CNTNAP5: variants seen among roughly 807,000 people sequenced by gnomAD.
CNTNAP5 encodes the protein contactin associated protein family member 5.
In CNTNAP5, 72 loss-of-function variants were observed where a neutral mutation model predicts 150.2. The observed-to-expected ratio is 0.48, with a 90% CI of 0.40 to 0.58. The LOEUF (loss-of-function observed/expected upper bound fraction) is 0.58. Ranked by LOEUF, CNTNAP5 falls within the 20% of genes least tolerant of loss-of-function variation. The probability of loss-of-function intolerance (pLI) is 0.00; values close to 1 mark genes in which losing one functional copy is unlikely to be tolerated. For synonymous variants in CNTNAP5, 672 were observed against 619.8 expected (o/e 1.08, Z -1.25); for missense variants, 1,636 against 1,626.2 (o/e 1.01, Z -0.10).
At chr2:124,163,321 A>G (rs1684729536) in intron 1 of CNTNAP5, among the ~76,000 whole-genome samples, 1 of 152,168 alleles carries the variant, frequency 6.6e-6, no homozygotes, top group Non-Finnish European at 1.5e-5. Context: ...CCAGCCCTGG[A>G]GAATAGGGCT....
Position 124,446,866 on chromosome 2 carries a change from T to C in CNTNAP5, c.847T>C (p.Phe283Leu). 6.2e-7 allele frequency: 1 copy of C among 1,613,862 alleles called. No individual in the cohort carries two copies. The highest frequency in any genetic ancestry group is 1.3e-5 in the African/African-American group (1 of 75,020). The change falls in exon 6 of 24, where the codon TTC (phenylalanine) becomes CTC (leucine). Residue 283 changes from phenylalanine (F) to leucine (L), a missense_variant. By Grantham distance (22) the Phe-to-Leu change is conservative (BLOSUM62 0). Coordinates refer to ENST00000682447, the MANE Select transcript of CNTNAP5 (RefSeq NM_001367498.1). ...LIERVGKQVN[F>L]TVDKHTQHFR... ...TGAGCGGGTGGGCAAGCAGGTGAAC[T>C]TCACGGTGGACAAGCACACACAGCA...
chr2:124,125,041 G>A (rs1177505428), intron 1 of CNTNAP5, among the ~76,000 whole-genome samples: 1 of 152,012 alleles, frequency 6.6e-6, no homozygotes, highest in African/African-American at 2.4e-5. Context: ...CAAAATAACG[G>A]GATCAAATTC....
At chr2:124,809,574 G>A (rs1430033491) in intron 19 of CNTNAP5, among the ~76,000 whole-genome samples, 2 of 97,912 alleles carry the variant, frequency 2.0e-5, no homozygotes, top group South Asian at 4.7e-4. Context: ...GCCCGGCTGG[G>A]AACATGATCT....
intron 1 of CNTNAP5, among the ~76,000 whole-genome samples, chr2:124,133,304 AC>A (rs1205598050): frequency 6.6e-6 from 1 of 152,034 alleles, no homozygotes; most frequent in Non-Finnish European, 1.5e-5. Flanking sequence ...CTTAAAAAAA[AC>A]AAAACAAAAA....
intron 3 of CNTNAP5, among the ~76,000 whole-genome samples, chr2:124,290,890 A>G (rs199825722): frequency 6.2e-5 from 4 of 64,782 alleles, no homozygotes; most frequent in East Asian, 5.9e-4. Context: ...TTATTTATTT[A>G]TTTATTTATT....
chr2:124,422,093 A>T (rs1692117350), intron 4 of CNTNAP5, among the ~76,000 whole-genome samples: 1 of 152,336 alleles, frequency 6.6e-6, no homozygotes, highest in African/African-American at 2.4e-5. Context: ...GTATTTGTTG[A>T]ATGGGTACAT....
At chr2:124,732,012 C>A (rs570910865) in intron 13 of CNTNAP5, among the ~76,000 whole-genome samples, 1 of 152,000 alleles carries the variant, frequency 6.6e-6, no homozygotes, top group Non-Finnish European at 1.5e-5. Flanking sequence ...TTCTTTTACT[C>A]GGAGCAAGTT....
At chr2:124,279,179 G>A (rs548286790) in intron 3 of CNTNAP5, among the ~76,000 whole-genome samples, 10 of 151,960 alleles carry the variant, frequency 6.6e-5, no homozygotes, top group Non-Finnish European at 1.5e-4. Context: ...TAGTTTGGAG[G>A]ACAAAGTCTG....
chr2:124,307,065 G>A (rs1688711598), intron 3 of CNTNAP5, among the ~76,000 whole-genome samples: 1 of 152,056 alleles, frequency 6.6e-6, no homozygotes, highest in African/African-American at 2.4e-5. Flanking sequence ...CGTGGAGGCA[G>A]GGATGAAGAA....
chr2:124,518,827 A>G (rs1388677125), intron 8 of CNTNAP5, among the ~76,000 whole-genome samples: 1 of 151,830 alleles, frequency 6.6e-6, no homozygotes, highest in Non-Finnish European at 1.5e-5. Context: ...TCTCTACTAA[A>G]AATACAAAAA....
chr2:124,033,933 T>C (rs1257907564), intron 1 of CNTNAP5, among the ~76,000 whole-genome samples: 1 of 149,088 alleles, frequency 6.7e-6, no homozygotes, highest in Non-Finnish European at 1.5e-5. Context: ...AAAAAAAGTG[T>C]GTGAAAGAGA....
intron 13 of CNTNAP5, among the ~76,000 whole-genome samples, chr2:124,704,607 G>A (rs1679595318): frequency 6.6e-6 from 1 of 152,136 alleles, no homozygotes; most frequent in Non-Finnish European, 1.5e-5. Context: ...TATGTTTAAT[G>A]TTATATCAAC....
chr2:124,476,073 C>A (rs1693632874), intron 7 of CNTNAP5, among the ~76,000 whole-genome samples: 1 of 151,976 alleles, frequency 6.6e-6, no homozygotes, highest in Non-Finnish European at 1.5e-5. Context: ...ATTATATATG[C>A]ATAACTTATT....
rs541311432 is a variant in CNTNAP5, at chr2:124,175,218, G to A, written c.83-46487G>A. Among the ~76,000 whole-genome samples the A allele has an allele frequency of 7.9e-5, 12 of 152,112 alleles. No homozygotes were observed. The South Asian group carries it at 1.7e-3, about 21-fold the overall frequency. The stretch of plus-strand genomic sequence containing the variant: ...ATGGGCATGTATACATCACACAAGT[G>A]GGATCTACACATACATATGTATGTA... On this transcript the variant is annotated intron_variant, in intron 1 of 23. Coordinates refer to ENST00000682447, the MANE Select transcript of CNTNAP5 (RefSeq NM_001367498.1).
intron 1 of CNTNAP5, among the ~76,000 whole-genome samples, chr2:124,068,857 C>T (rs1011190228): frequency 6.6e-6 from 1 of 151,928 alleles, no homozygotes; most frequent in Non-Finnish European, 1.5e-5. Flanking sequence ...ATACCGTAGG[C>T]CAGAAAGGAA....
chr2:124,383,182 C>G (rs1052528166), intron 3 of CNTNAP5, among the ~76,000 whole-genome samples: 3 of 152,122 alleles, frequency 2.0e-5, no homozygotes, highest in African/African-American at 7.2e-5. Flanking sequence ...AACATTATTG[C>G]TGGAGTAATA....
intron 13 of CNTNAP5, among the ~76,000 whole-genome samples, chr2:124,698,383 C>CACACACACACAA (rs1253879960): frequency 6.6e-6 from 1 of 151,326 alleles, no homozygotes; most frequent in African/African-American, 2.4e-5. Flanking sequence ...GATACACACA[C>CACACACACACAA]ACACACACAC....
intron 1 of CNTNAP5, among the ~76,000 whole-genome samples, chr2:124,142,638 C>T (rs1684144522): frequency 7.5e-6 from 1 of 133,378 alleles, no homozygotes; most frequent in Admixed American, 7.7e-5. Context: ...GCATTCAAAG[C>T]AGTGTGTAGA....
At chr2:124,437,655 T>G (rs1692567981) in intron 5 of CNTNAP5, among the ~76,000 whole-genome samples, 1 of 152,174 alleles carries the variant, frequency 6.6e-6, no homozygotes, top group African/African-American at 2.4e-5. Flanking sequence ...TCTTTAAATA[T>G]TATTCTAAAA....
Sources: gnomAD v4.1 joint callset for allele counts (sites outside exome capture counted in the v4.1 genomes callset) on GRCh38, gnomAD v4.1.1 for gene constraint, MANE v1.5 for transcripts, NCBI Gene and HGNC (gene_info 2026-07-23, HGNC 2026-07-21) for gene names.